The following ARHGAP26 variants were observed in gnomAD, a reference collection of about 807,000 sequenced individuals.
ARHGAP26 encodes Rho GTPase activating protein 26, also known as rho GTPase-activating protein 26.
Under a neutral mutation model 104.8 loss-of-function variants are expected in ARHGAP26, and 38 were observed. The ratio of observed to expected loss-of-function variants is 0.36; its 90% CI spans 0.28 to 0.48. The LOEUF (loss-of-function observed/expected upper bound fraction) is 0.48. Among genes scored for constraint, ARHGAP26 ranks in the 20% least tolerant of loss-of-function variants. ARHGAP26 has a pLI of 0.99. For missense variants in ARHGAP26, 704 were observed against 947.9 expected, an observed-to-expected ratio of 0.74 and a Z score of 3.38; for synonymous variants, 341 against 340.0, an observed-to-expected ratio of 1.00 and a Z score of -0.03.
intron 1 of ARHGAP26, among the ~76,000 whole-genome samples, chr5:142,851,241 T>TG (rs1751456484): frequency 6.6e-6 from 1 of 152,032 alleles, no homozygotes; most frequent in Non-Finnish European, 1.5e-5. Flanking sequence ...GGATTACAGA[T>TG]GTGTGCCACC....
intron 12 of ARHGAP26, chr5:143,014,376 T>G: frequency 1.8e-6 from 1 of 548,550 alleles, no homozygotes; most frequent in Non-Finnish European, 3.3e-6. Context: ...AGCATTCTCG[T>G]GTACATTATC....
chr5:143,151,919 G>A (rs894606243), intron 20 of ARHGAP26, among the ~76,000 whole-genome samples: 10 of 152,128 alleles, frequency 6.6e-5, no homozygotes, highest in African/African-American at 1.2e-4. Flanking sequence ...TCGTGCCACC[G>A]CACTCCAGCC....
intron 1 of ARHGAP26, among the ~76,000 whole-genome samples, chr5:142,802,726 A>G (rs1040187124): frequency 6.6e-6 from 1 of 152,134 alleles, no homozygotes; most frequent in Non-Finnish European, 1.5e-5. Flanking sequence ...TGCACATACT[A>G]GGGCACTGGA....
chr5:143,207,566 C>T, intron 21 of ARHGAP26: 1 of 1,464,748 alleles, frequency 6.8e-7, no homozygotes, highest in East Asian at 2.3e-5. Context: ...TGGTTCCATC[C>T]TAAGAGACCA....
chr5:142,874,910 C>G, intron 2 of ARHGAP26, 200 bp from the exon 3 acceptor site: 1 of 558,600 alleles, frequency 1.8e-6, no homozygotes, highest in Non-Finnish European at 3.2e-6. Context: ...AGCTAGAGTG[C>G]CAGGTGGAAT....
intron 1 of ARHGAP26, among the ~76,000 whole-genome samples, chr5:142,839,724 A>G (rs933951436): frequency 6.6e-6 from 1 of 152,112 alleles, no homozygotes; most frequent in Non-Finnish European, 1.5e-5. Flanking sequence ...TCGAAAGGGA[A>G]AGTTTTTATT....
At chr5:143,043,325 T>C (rs246663) in intron 14 of ARHGAP26, among the ~76,000 whole-genome samples, 34,469 of 152,124 alleles carry the variant, frequency 0.23, 7,296 homozygotes, top group African/African-American at 0.55. Context: ...TTGGCATTGT[T>C]TTTCAATCAG....
chr5:143,060,441 G>A (rs1036428949), intron 17 of ARHGAP26, among the ~76,000 whole-genome samples: 6 of 151,858 alleles, frequency 4.0e-5, no homozygotes, highest in African/African-American at 1.5e-4. Context: ...ATTCAGAGGG[G>A]AAAAAAAGTA....
chr5:143,149,440 T>G (rs767435600), intron 20 of ARHGAP26, among the ~76,000 whole-genome samples: 10 of 152,040 alleles, frequency 6.6e-5, no homozygotes, highest in Non-Finnish European at 1.0e-4. Context: ...CCCCATAAGC[T>G]CTGCAGGCAG....
At chr5:142,831,645 A>G (rs1365024373) in intron 1 of ARHGAP26, among the ~76,000 whole-genome samples, 1 of 147,068 alleles carries the variant, frequency 6.8e-6, no homozygotes, top group Non-Finnish European at 1.5e-5. Context: ...TCCTCCTCCA[A>G]ACCCTCCTCC....
rs939757636 is a variant in ARHGAP26 at position 143,012,676 on chromosome 5, C to T, written c.1108-1404C>T. Among the ~76,000 whole-genome samples, 16 of 146,152 alleles carry T rather than the reference C, an allele frequency of 1.1e-4. No homozygotes were observed. The South Asian group carries it at 1.3e-3, about 12-fold the overall frequency. On this transcript the variant is annotated intron_variant, in intron 11 of 22. Coordinates refer to ENST00000645722, the MANE Select transcript of ARHGAP26 (RefSeq NM_001135608.3). Reference sequence around the variant, plus strand: ...TTTTTTTTCATTTATTTATTTAAGACGGAGTCTTGCTCTGTTGCCCAGGCT... The same window carrying T: ...TTTTTTTTCATTTATTTATTTAAGATGGAGTCTTGCTCTGTTGCCCAGGCT...
chr5:143,068,445 T>C (rs1787818966), intron 17 of ARHGAP26, among the ~76,000 whole-genome samples: 1 of 152,104 alleles, frequency 6.6e-6, no homozygotes, highest in Non-Finnish European at 1.5e-5. Flanking sequence ...TTCTGCCATC[T>C]CTCCTGTGCG....
At chr5:143,171,442 A>G (rs1320058699) in intron 20 of ARHGAP26, among the ~76,000 whole-genome samples, 1 of 152,200 alleles carries the variant, frequency 6.6e-6, no homozygotes, top group African/African-American at 2.4e-5. Flanking sequence ...CTTGGAGATC[A>G]TACTCCAAGG....
chr5:143,017,110 T>C lies in ARHGAP26; in HGVS notation c.1144+2994T>C, dbSNP rs571965610. Among the ~76,000 whole-genome samples, 6 of 152,336 alleles carry C rather than the reference T, an allele frequency of 3.9e-5. No individual in the cohort carries two copies. The South Asian group carries it at 1.2e-3, about 32-fold the overall frequency. On this transcript the variant is annotated intron_variant, in intron 12 of 22. Transcript: ENST00000645722. ...TCTTCTTAACCAGATTCCAAATGTC[T>C]AGAGTCCAAATTCCAAATGTCCGGC... is the stretch of plus-strand genomic sequence containing the variant.
intron 1 of ARHGAP26, among the ~76,000 whole-genome samples, chr5:142,799,973 C>G (rs1761737206): frequency 1.3e-5 from 2 of 152,212 alleles, no homozygotes; most frequent in Admixed American, 1.3e-4. Flanking sequence ...ATGCTTGAGT[C>G]ACTGGCCTGA....
intron 1 of ARHGAP26, among the ~76,000 whole-genome samples, chr5:142,802,826 A>T (rs1016977883): frequency 6.6e-6 from 1 of 152,212 alleles, no homozygotes; most frequent in Non-Finnish European, 1.5e-5. Flanking sequence ...TTGTTTGTTT[A>T]AATTAGGAGG....
intron 11 of ARHGAP26, among the ~76,000 whole-genome samples, chr5:142,963,184 A>ATG (rs1562164555): frequency 5.9e-5 from 6 of 101,624 alleles, no homozygotes; most frequent in African/African-American, 4.0e-4. Context: ...ATATATATAT[A>ATG]TATATATATA....
chr5:142,856,701 A>T (rs1752410245), intron 1 of ARHGAP26, among the ~76,000 whole-genome samples: 1 of 152,236 alleles, frequency 6.6e-6, no homozygotes, highest in East Asian at 1.9e-4. Flanking sequence ...ATACAGTATA[A>T]CAACGATTTA....
In ARHGAP26 at chr5:143,227,086, G is replaced by C. The variant is rs767206053; in HGVS notation, c.*4640G>C. The C allele has an allele frequency of 1.7e-5, 4 of 230,572 alleles. No homozygotes were observed. 14.3% of individuals were successfully genotyped at this position (230,572 alleles called of 1,614,324 possible). A position where few individuals can be genotyped will look rare whatever the true frequency, so the allele number is the denominator to read the frequency against. On this transcript the variant is annotated 3_prime_UTR_variant, in exon 23 of 23. Coordinates refer to ENST00000645722, the MANE Select transcript of ARHGAP26 (RefSeq NM_001135608.3). ...ATAACCTGATCCCTGCCTGTCTGTT[G>C]GCACCTGTCATCCTCTGGCTTCTGC...
Sources: gnomAD v4.1 joint callset for allele counts (sites outside exome capture counted in the v4.1 genomes callset) on GRCh38, gnomAD v4.1.1 for gene constraint, MANE v1.5 for transcripts, NCBI Gene and HGNC (gene_info 2026-07-23, HGNC 2026-07-21) for gene names.